The following FGF12 variants were observed in gnomAD, a reference collection of about 807,000 sequenced individuals.
FGF12 encodes the protein fibroblast growth factor 12.
A neutral mutation model predicts 23.6 loss-of-function variants in FGF12; 14 were observed. The observed-to-expected ratio is 0.59, with a 90% confidence interval of 0.39 to 0.93. The LOEUF (loss-of-function observed/expected upper bound fraction) is 0.93, where lower values mean the gene tolerates loss of function less well. Ranked by LOEUF, FGF12 falls within the 40% of genes least tolerant of loss-of-function variation. FGF12 has a pLI of 0.00. For synonymous variants in FGF12, 62 were observed against 77.3 expected (o/e 0.80, Z 1.04); for missense variants, 175 against 217.8 (o/e 0.80, Z 1.24).
chr3:192,465,534 G>A (rs1196209849), intron 2 of FGF12, among the ~76,000 whole-genome samples: 1 of 152,164 alleles, frequency 6.6e-6, no homozygotes, highest in Non-Finnish European at 1.5e-5. Context: ...GTTGGCCCTG[G>A]GCTGGCGTCT....
At chr3:192,339,830 T>C (rs923450216) in intron 3 of FGF12, among the ~76,000 whole-genome samples, 1 of 152,210 alleles carries the variant, frequency 6.6e-6, no homozygotes, top group Non-Finnish European at 1.5e-5. Flanking sequence ...TGCAAGACTC[T>C]TGAGGGTAGT....
intron 2 of FGF12, among the ~76,000 whole-genome samples, chr3:192,640,488 G>C (rs894106388): frequency 2.6e-5 from 4 of 152,092 alleles, no homozygotes; most frequent in Non-Finnish European, 4.4e-5. Flanking sequence ...AGGTTATTCA[G>C]AGCCATTAAA....
Position 192,408,235 on chromosome 3 carries a change from G to A in FGF12, c.14-47697C>T, listed in dbSNP as rs571551753. 6.9e-6 allele frequency: 11 copies of A among 1,588,796 alleles called. No homozygotes were observed. In the East Asian group the frequency reaches 2.0e-4, roughly 29 times the overall value. ...ATCGCCGCAGCCATAGCTGCTCAGC[G>A]AGGGCCTCAGGCCCCAGCCTCTACT... On this transcript the variant is annotated intron_variant, in intron 2 of 5. Coordinates refer to ENST00000445105, the MANE Select transcript of FGF12 (RefSeq NM_004113.6). The surrounding 1 kb of genome is among the most constrained non-coding windows in gnomAD (Gnocchi z 7.3).
chr3:192,330,264 C>T (rs1717038141), intron 4 of FGF12, among the ~76,000 whole-genome samples: 1 of 152,044 alleles, frequency 6.6e-6, no homozygotes, highest in African/African-American at 2.4e-5. Context: ...CCTCAAATAG[C>T]CAAAACCATC....
At chr3:192,176,154 C>CTGTT (rs1715845698) in intron 4 of FGF12, among the ~76,000 whole-genome samples, 1 of 152,172 alleles carries the variant, frequency 6.6e-6, no homozygotes, top group Admixed American at 6.5e-5. Flanking sequence ...ACTGTCAACA[C>CTGTT]TGTTTTCATC....
intron 2 of FGF12, among the ~76,000 whole-genome samples, chr3:192,547,731 A>G (rs1725532162): frequency 6.6e-6 from 1 of 152,230 alleles, no homozygotes; most frequent in Non-Finnish European, 1.5e-5. Context: ...ATATAATGCT[A>G]GAACTTAACC....
intron 4 of FGF12, among the ~76,000 whole-genome samples, chr3:192,330,629 G>C (rs1717063609): frequency 6.6e-6 from 1 of 152,092 alleles, no homozygotes; most frequent in African/African-American, 2.4e-5. Flanking sequence ...CTTGAACCCA[G>C]GAGGTGGAGA....
intron 2 of FGF12, among the ~76,000 whole-genome samples, chr3:192,565,438 G>A (rs970049070): frequency 1.3e-5 from 2 of 152,238 alleles, no homozygotes; most frequent in Admixed American, 6.5e-5. Context: ...CAATGTTTCA[G>A]TCAACAATGG....
intron 2 of FGF12, among the ~76,000 whole-genome samples, chr3:192,398,454 T>A (rs1015115082): frequency 6.6e-6 from 1 of 151,508 alleles, no homozygotes; most frequent in African/African-American, 2.4e-5. Context: ...GGTGTGATCT[T>A]GGCACACTGC....
At chr3:192,221,291 A>G (rs1718462848) in intron 4 of FGF12, among the ~76,000 whole-genome samples, 1 of 152,188 alleles carries the variant, frequency 6.6e-6, no homozygotes, top group Non-Finnish European at 1.5e-5. Flanking sequence ...TCTCACCTTA[A>G]AGCCACAAAT....
At chr3:192,484,783 C>T (rs539667165) in intron 2 of FGF12, among the ~76,000 whole-genome samples, 4 of 152,290 alleles carry the variant, frequency 2.6e-5, no homozygotes, top group African/African-American at 9.6e-5. Flanking sequence ...TCTTGAAACA[C>T]AATTCCAGAA....
intron 2 of FGF12, among the ~76,000 whole-genome samples, chr3:192,639,287 A>G (rs181131185): frequency 8.8e-4 from 134 of 152,366 alleles, no homozygotes; most frequent in Non-Finnish European, 1.7e-3. Context: ...CTATTACCAA[A>G]GAGTTAAGAG....
intron 2 of FGF12, among the ~76,000 whole-genome samples, chr3:192,429,759 T>C (rs1228802158): frequency 1.3e-5 from 2 of 151,492 alleles, no homozygotes; most frequent in Non-Finnish European, 2.9e-5. Flanking sequence ...ACAATATTTA[T>C]AGATTTGAGA....
At chr3:192,521,568 G>A (rs778474764) in intron 2 of FGF12, among the ~76,000 whole-genome samples, 2 of 151,992 alleles carry the variant, frequency 1.3e-5, no homozygotes, top group Non-Finnish European at 2.9e-5. Flanking sequence ...ACCAAAGGAG[G>A]GGCACAATAC....
At chr3:192,627,740 C>T (rs1469387125) in intron 2 of FGF12, among the ~76,000 whole-genome samples, 5 of 152,072 alleles carry the variant, frequency 3.3e-5, no homozygotes, top group African/African-American at 4.8e-5. Context: ...GTATACTTTA[C>T]GTAGTTTCCC....
chr3:192,198,285 T>G (rs1207850498), intron 4 of FGF12, among the ~76,000 whole-genome samples: 1 of 152,246 alleles, frequency 6.6e-6, no homozygotes, highest in Non-Finnish European at 1.5e-5. Flanking sequence ...AAATGTTCAC[T>G]GATGGCGATT....
intron 2 of FGF12, among the ~76,000 whole-genome samples, chr3:192,707,396 G>A (rs564851533): frequency 1.3e-5 from 2 of 152,160 alleles, no homozygotes; most frequent in East Asian, 3.9e-4. Flanking sequence ...CAGAAGACAG[G>A]TCACAACACA....
At chr3:192,473,889 C>G (rs943050476) in intron 2 of FGF12, among the ~76,000 whole-genome samples, 5 of 152,184 alleles carry the variant, frequency 3.3e-5, no homozygotes, top group African/African-American at 7.2e-5. Context: ...TGTCTCCAGA[C>G]AGGGGTTGTT....
intron 2 of FGF12, among the ~76,000 whole-genome samples, chr3:192,706,633 TTCTC>T (rs1047757934): frequency 1.3e-5 from 2 of 152,126 alleles, no homozygotes; most frequent in African/African-American, 4.8e-5. Flanking sequence ...CCCAAATACT[TTCTC>T]TCCTTGAATC....
Sources: allele counts gnomAD v4.1 joint callset (sites outside exome capture counted in the v4.1 genomes callset), GRCh38; gene constraint gnomAD v4.1.1; non-coding constraint Gnocchi (gnomAD v3.1); transcripts MANE v1.5; gene names NCBI Gene and HGNC (gene_info 2026-07-23, HGNC 2026-07-21).